The following TRPM4 variants were observed in gnomAD, a reference collection of about 807,000 sequenced individuals.
The protein encoded by TRPM4 is calcium-activated non-selective cation channel 1.
TRPM4 carries 124 observed loss-of-function variants against 135.6 expected under a neutral mutation model. The ratio of observed to expected loss-of-function variants is 0.91; its 90% CI spans 0.79 to 1.06. TRPM4 has a LOEUF of 1.06. Among genes scored for constraint, TRPM4 ranks in the 50% least tolerant of loss-of-function variants. The pLI is 0.00. For missense variants in TRPM4, 1,658 were observed against 1,671.4 expected (o/e 0.99, Z 0.14); for synonymous variants, 745 against 705.6 (o/e 1.06, Z -0.88).
intron 9 of TRPM4, among the ~76,000 whole-genome samples, chr19:49,175,317 C>T (rs375768313): frequency 3.3e-4 from 50 of 151,872 alleles, no homozygotes; most frequent in African/African-American, 1.2e-3. Flanking sequence ...TCGGGTGATC[C>T]GCCCGCCTCG....
In TRPM4 at chr19:49,168,740, A is replaced by G. The variant is rs968462105; in HGVS notation, c.796+4A>G. ...CAGCAGAAGACGGGCGTGGGAGGTG[A>G]GTGGTCGAACCCATGACCCACAACC... On this transcript the variant is annotated splice_donor_region_variant and intron_variant, in intron 6 of 24. Transcript: ENST00000252826. The G allele has an allele frequency of 1.9e-6, 3 of 1,582,204 alleles. No individual in the cohort carries two copies. In the Admixed American group the frequency reaches 5.5e-5, roughly 29 times the overall value.
chr19:49,183,298 C>G, intron 12 of TRPM4, 86 bp downstream of exon 12: 2 of 1,566,436 alleles, frequency 1.3e-6, no homozygotes, highest in Non-Finnish European at 1.7e-6. Context: ...TACAATTCCC[C>G]GACCCCTGAC....
At chr19:49,166,364 C>G (rs534563551) in intron 3 of TRPM4, 149 bp downstream of exon 3, 4 of 781,998 alleles carry the variant, frequency 5.1e-6, no homozygotes, top group Non-Finnish European at 8.0e-6. Context: ...CACCTATCTT[C>G]TCTCTGAGGG....
intron 20 of TRPM4, among the ~76,000 whole-genome samples, chr19:49,203,132 C>G (rs2145976009): frequency 6.7e-6 from 1 of 149,678 alleles, no homozygotes; most frequent in South Asian, 2.1e-4. Flanking sequence ...ACCTCGTGAT[C>G]CACCCGCCTT....
chr19:49,211,428 T>G lies in TRPM4; in HGVS notation c.3641-66T>G. 1 of 1,611,674 alleles carries G rather than the reference T, an allele frequency of 6.2e-7. No individual in the cohort carries two copies. Among genetic ancestry groups the G allele is most frequent in the Non-Finnish European group, 8.5e-7 (1 of 1,178,774 alleles). ...TCGTCTTTCTTCTTTTTTGCCAGTC[T>G]CCCAGTTTTTCTGTCTCTCCCCTTC... On this transcript the variant is annotated intron_variant, in intron 24 of 24. Transcript: ENST00000252826. The surrounding 1 kb of genome is among the most constrained non-coding windows in gnomAD (Gnocchi z 4.8).
intron 16 of TRPM4, among the ~76,000 whole-genome samples, chr19:49,193,883 T>TGTCATCCTCCTTCTCCTCCTCCTC (rs1568481862): frequency 4.7e-5 from 7 of 149,568 alleles, no homozygotes; most frequent in Non-Finnish European, 7.4e-5. Flanking sequence ...TCCTCCTCCT[T>TGTCATCCTCCTTCTCCTCCTCCTC]GTCATCCTCC....
intron 17 of TRPM4, among the ~76,000 whole-genome samples, chr19:49,198,889 A>G (rs1369490308): frequency 6.6e-6 from 1 of 151,642 alleles, no homozygotes; most frequent in Non-Finnish European, 1.5e-5. Context: ...GTGAGCTACT[A>G]TGCTCAGCCT....
At chr19:49,166,309 C>A in intron 3 of TRPM4, 94 bp downstream of exon 3, 5 of 1,312,470 alleles carry the variant, frequency 3.8e-6, no homozygotes, top group Non-Finnish European at 5.2e-6. Flanking sequence ...TGAACCCTGG[C>A]CCCTCCGCCC....
intron 17 of TRPM4, among the ~76,000 whole-genome samples, 183 bp from the exon 18 acceptor site, chr19:49,200,117 G>C (rs1248282654): frequency 1.3e-5 from 2 of 152,158 alleles, no homozygotes; most frequent in Non-Finnish European, 2.9e-5. Flanking sequence ...AAAAATGGGT[G>C]CCAGGGCCCT....
chr19:49,188,999 C>T lies in TRPM4; in HGVS notation c.1927C>T (p.Leu643Phe). The part of the protein sequence containing the change: ...SSEVRAARLL[L>F]RRCPLWGDAT... ...TGAGGTGAGGGCTGCCCGCCTCCTC[C>T]TCCGTCGCTGCCCGCTCTGGGGGGA... Residue 643 changes from leucine (L) to phenylalanine (F), a missense_variant, in exon 14 of 25, where the codon CTC becomes TTC. Leu to Phe is a conservative substitution (Grantham distance 22). This residue lies in a region of TRPM4 where 1,412 missense variants were observed against 1,408.7 expected (regional missense o/e 1.00). Coordinates refer to ENST00000252826, the MANE Select transcript of TRPM4 (RefSeq NM_017636.4). The T allele has an allele frequency of 6.2e-7, 1 of 1,614,198 alleles. No individual in the cohort carries two copies. Among genetic ancestry groups the T allele is most frequent in the Non-Finnish European group, 8.5e-7 (1 of 1,180,044 alleles).
chr19:49,175,887 A>G (rs1967670804), intron 9 of TRPM4, among the ~76,000 whole-genome samples: 2 of 145,016 alleles, frequency 1.4e-5, no homozygotes, highest in African/African-American at 5.1e-5. Context: ...TCGGCCTCCC[A>G]AAGTGCTGGG....
chr19:49,200,590 C>G, intron 18 of TRPM4, 21 bp from the exon 19 acceptor site: 2 of 1,610,532 alleles, frequency 1.2e-6, no homozygotes, highest in Non-Finnish European at 8.5e-7. Context: ...CGGGGCCAGA[C>G]TCAGCCACAT....
chr19:49,184,483 CAG>C (rs1329743905), intron 12 of TRPM4, among the ~76,000 whole-genome samples: 2 of 79,462 alleles, frequency 2.5e-5, no homozygotes, highest in African/African-American at 1.3e-4. Flanking sequence ...TTTTTTGAGA[CAG>C]AGTCTCGCTC....
At chr19:49,158,750 TG>T (rs35668678) in intron 2 of TRPM4, 33,708 of 165,256 alleles carry the variant, frequency 0.2, 4,292 homozygotes, top group South Asian at 0.31. Context: ...TTCACCTCTC[TG>T]GGTCCCGTTT....
At chr19:49,167,118 C>T (rs1967226988) in intron 3 of TRPM4, among the ~76,000 whole-genome samples, 1 of 149,246 alleles carries the variant, frequency 6.7e-6, no homozygotes, top group African/African-American at 2.5e-5. Flanking sequence ...GTCCCTCTCT[C>T]TCTGGGTCTC....
intron 10 of TRPM4, 135 bp from the exon 11 acceptor site, chr19:49,182,443 T>TCCAC: frequency 2.9e-6 from 2 of 686,342 alleles, no homozygotes; most frequent in East Asian, 2.8e-5. Context: ...CATTCATCCA[T>TCCAC]CCATCCACCC....
chr19:49,196,512 C>T lies in TRPM4; in HGVS notation c.2283C>T (p.Gly761=). The T allele has an allele frequency of 1.3e-6, 2 of 1,534,118 alleles. No homozygotes were observed. The highest frequency in any genetic ancestry group is 3.4e-4 in the Middle Eastern group (2 of 5,916). Residue 761 remains glycine, a synonymous_variant, in exon 17 of 25, where the codon GGC becomes GGT. Transcript: ENST00000252826. ...RQSGRPGCCG[G]RCGGRRCLRR... is the part of the protein sequence containing the mutation. ...CGGGCCGTCCGGGTTGCTGCGGGGG[C>T]CGCTGCGGGGGGCGCCGGTGCCTAC...
chr19:49,171,574 G>A lies in TRPM4; in HGVS notation c.859-4G>A, dbSNP rs2122833532. On this transcript the variant is annotated splice_region_variant and splice_polypyrimidine_tract_variant and intron_variant, in intron 7 of 24. Coordinates refer to ENST00000252826, the MANE Select transcript of TRPM4 (RefSeq NM_017636.4). The surrounding 1 kb of genome is among the most constrained non-coding windows in gnomAD (Gnocchi z 4.7). ...GATGAATAAAGAATGCCTTTATCCTGTAGCGAATAGAGAACGCCACCCAGG... is the reference window on the plus strand; with the variant it reads ...GATGAATAAAGAATGCCTTTATCCTATAGCGAATAGAGAACGCCACCCAGG... 6.2e-7 allele frequency: 1 copy of A among 1,614,068 alleles called. No individual in the cohort carries two copies. The highest frequency in any genetic ancestry group is 8.5e-7 in the Non-Finnish European group (1 of 1,180,016).
chr19:49,191,767 G>T (rs939621735), intron 16 of TRPM4, among the ~76,000 whole-genome samples: 3 of 152,154 alleles, frequency 2.0e-5, no homozygotes, highest in Non-Finnish European at 2.9e-5. Flanking sequence ...CAAAGTACTG[G>T]GATTACAGGC....
Sources: gnomAD v4.1 joint callset for allele counts (sites outside exome capture counted in the v4.1 genomes callset) on GRCh38, gnomAD v4.1.1 for gene constraint, gnomAD v4.1.1 regional missense constraint, Gnocchi (gnomAD v3.1) non-coding constraint, MANE v1.5 for transcripts, NCBI Gene and HGNC (gene_info 2026-07-23, HGNC 2026-07-21) for gene names.